Variants in PRSS16 observed in about 807,000 individuals in gnomAD.
PRSS16 encodes serine protease 16.
A neutral mutation model predicts 61.7 loss-of-function variants in PRSS16; 43 were observed. The observed-to-expected ratio is 0.70, with a 90% CI of 0.55 to 0.90. PRSS16 has a LOEUF of 0.90. Ranked by LOEUF, PRSS16 falls within the 40% of genes least tolerant of loss-of-function variation. The pLI, the probability that PRSS16 is intolerant of heterozygous loss-of-function variation, is 0.00. For synonymous variants in PRSS16, 273 were observed against 285.2 expected (o/e 0.96, Z 0.43); for missense variants, 591 against 659.1 (o/e 0.90, Z 1.13).
At position 27,252,936 on chromosome 6, in the gene PRSS16, C is replaced by T. The variant is rs1262954079; in HGVS notation, c.1137C>T (p.Thr379=). The change falls in exon 9 of 12, where the codon ACC becomes ACT. Residue 379 remains threonine (T), a synonymous_variant. Transcript: ENST00000230582. The surrounding 1 kb of genome is among the most constrained non-coding windows in gnomAD (Gnocchi z 4.2). ...GGCAGTGGTTGTATCAGACATGTAC[C>T]GAGTTCGGCTTCTGTAAGTGACTGG... ...GDRQWLYQTC[T]EFGFYVTCEN... 5.6e-6 allele frequency: 9 copies of T among 1,614,000 alleles called. No homozygotes were observed. The highest frequency in any genetic ancestry group is 4.4e-5 in the South Asian group (4 of 91,082).
intron 4 of PRSS16, among the ~76,000 whole-genome samples, chr6:27,250,318 G>C (rs1417291146): frequency 6.6e-6 from 1 of 152,160 alleles, no homozygotes. Context: ...CAACTCATCA[G>C]GTTAGGACCC....
Position 27,252,179 on chromosome 6 carries a change from G to C in PRSS16, c.1008+139G>C. 9.6e-7 allele frequency: 1 copy of C among 1,045,060 alleles called. No individual in the cohort carries two copies. The highest frequency in any genetic ancestry group is 1.3e-6 in the Non-Finnish European group (1 of 756,380). 64.7% of individuals were successfully genotyped at this position (1,045,060 alleles called of 1,614,324 possible). A position where few individuals can be genotyped will look rare whatever the true frequency, so the allele number is the denominator to read the frequency against. ...TGTAAAATGGGGATAACACTTCACAGGGCCGATGGGAAGATGAAATGAGGC... is the reference window on the plus strand; with the variant it reads ...TGTAAAATGGGGATAACACTTCACACGGCCGATGGGAAGATGAAATGAGGC... On this transcript the variant is annotated intron_variant, in intron 8 of 11. Coordinates refer to ENST00000230582, the MANE Select transcript of PRSS16 (RefSeq NM_005865.4). The surrounding 1 kb of genome is among the most constrained non-coding windows in gnomAD (Gnocchi z 4.2).
intron 9 of PRSS16, chr6:27,253,584 A>G: frequency 2.8e-6 from 1 of 363,232 alleles, no homozygotes; most frequent in Non-Finnish European, 5.5e-6. Context: ...TGCCCAGTTA[A>G]ATTTGAATTT....
At position 27,255,256 on chromosome 6, in the gene PRSS16, C is replaced by T; in HGVS notation, c.1486C>T (p.Gln496Ter). The T allele has an allele frequency of 6.2e-7, 1 of 1,614,072 alleles. No individual in the cohort carries two copies. The highest frequency in any genetic ancestry group is 8.5e-7 in the Non-Finnish European group (1 of 1,179,978). ...SLRLGRQNIF[Q>*]QLQTWLKLAK... ...TCCCACCTCCCCACAGAACATCTTC[C>T]AGCAGCTACAGACCTGGCTCAAGCT... Residue 496 changes from glutamine to a stop codon, truncating the protein, a stop_gained, in exon 12 of 12, where the codon CAG becomes TAG. Transcript: ENST00000230582. LOFTEE classifies it low-confidence loss of function (END_TRUNC). This position sits in a 1 kb window ranked among gnomAD's most constrained non-coding sequence, Gnocchi z 4.4.
Position 27,248,944 on chromosome 6 carries a change from G to C in PRSS16, c.335G>C (p.Arg112Thr). The C allele has an allele frequency of 1.2e-6, 2 of 1,605,144 alleles. No homozygotes were observed. The highest frequency in any genetic ancestry group is 1.7e-6 in the Non-Finnish European group (2 of 1,174,598). ...EGSLGPGSVM[R>T]GHPAALAPAW... The stretch of plus-strand genomic sequence containing the variant: ...AGCCTTGGGCCTGGCTCAGTGATGA[G>C]AGGTAAGAGGCAATGTTGGGGGAAA... Residue 112 changes from arginine to threonine, a missense_variant and splice_region_variant, in exon 3 of 12, where the codon AGA becomes ACA. By Grantham distance (71) the Arg-to-Thr change is moderately conservative. Transcript: ENST00000230582.
At chr6:27,247,860 T>G (rs758726037) in intron 1 of PRSS16, 22 bp from the exon 2 acceptor site, 1 of 1,612,550 alleles carries the variant, frequency 6.2e-7, no homozygotes, top group South Asian at 1.1e-5. Flanking sequence ...CAGCCTGACT[T>G]CCTTCCCTCC....
intron 9 of PRSS16, chr6:27,253,315 ACT>A (rs1759959150): frequency 3.0e-6 from 1 of 328,358 alleles, no homozygotes; most frequent in Non-Finnish European, 6.0e-6. Context: ...AGTCCTCCTC[ACT>A]CTGCATGGAC....
Position 27,251,688 on chromosome 6 carries a change from T to A in PRSS16, c.718-62T>A, listed in dbSNP as rs1186612154. ...GGGAACCCAAGGAGGACGCAGGTCC[T>A]GGGTAGGGAAAGCCGAGGCCCAGCC... is the stretch of plus-strand genomic sequence containing the variant. On this transcript the variant is annotated intron_variant, in intron 7 of 11. Transcript: ENST00000230582. The surrounding 1 kb of genome is among the most constrained non-coding windows in gnomAD (Gnocchi z 5.6). 2 of 1,536,844 alleles carry A rather than the reference T, an allele frequency of 1.3e-6. No individual in the cohort carries two copies. Among genetic ancestry groups the A allele is most frequent in the Admixed American group, 4.3e-5 (2 of 46,688 alleles).
chr6:27,247,807 G>C lies in PRSS16; in HGVS notation c.70G>C (p.Ala24Pro). ...TTCCCTCTGGGGACTCTTGGCTCCA[G>C]GTAAGAGGAGGCTGAGGGTCAAGCA... ...LVSLWGLLAP[A>P]SLLRRLGEHI... is the part of the protein sequence containing the mutation. The change falls in exon 1 of 12, where the codon GCC becomes CCC. Residue 24 changes from alanine to proline, a missense_variant and splice_region_variant. Coordinates refer to ENST00000230582, the MANE Select transcript of PRSS16 (RefSeq NM_005865.4). The C allele has an allele frequency of 6.2e-7, 1 of 1,612,808 alleles. No homozygotes were observed. The highest frequency in any genetic ancestry group is 1.3e-5 in the African/African-American group (1 of 75,002).
chr6:27,254,944 C>T lies in PRSS16; in HGVS notation c.1331-42C>T, dbSNP rs1759997621. ...AGCTCAACATAGCCTCATCCTCTCCCAGCACCCATCTACCTAGCCCCATCC... is the reference window on the plus strand; with the variant it reads ...AGCTCAACATAGCCTCATCCTCTCCTAGCACCCATCTACCTAGCCCCATCC... On this transcript the variant is annotated intron_variant, in intron 10 of 11. Coordinates refer to ENST00000230582, the MANE Select transcript of PRSS16 (RefSeq NM_005865.4). The T allele has an allele frequency of 3.7e-6, 6 of 1,612,264 alleles. No homozygotes were observed. In the African/African-American group the frequency reaches 6.7e-5, roughly 18 times the overall value.
At position 27,254,751 on chromosome 6, in the gene PRSS16, G is replaced by T; in HGVS notation, c.1209G>T (p.Gln403His). The T allele has an allele frequency of 6.2e-7, 1 of 1,614,102 alleles. No homozygotes were observed. The highest frequency in any genetic ancestry group is 8.5e-7 in the Non-Finnish European group (1 of 1,179,934). The change falls in exon 10 of 12, where the codon CAG becomes CAT. Residue 403 changes from glutamine (Q) to histidine (H), a missense_variant. Coordinates refer to ENST00000230582, the MANE Select transcript of PRSS16 (RefSeq NM_005865.4). ...PFSQLPALPS[Q>H]LDLCEQVFGL... Reference sequence around the variant, plus strand: ...CCCAGCTCCCAGCACTGCCCTCCCAGCTAGACCTATGTGAGCAGGTGTTTG... The same window carrying T: ...CCCAGCTCCCAGCACTGCCCTCCCATCTAGACCTATGTGAGCAGGTGTTTG...
In PRSS16 at chr6:27,252,991, C is replaced by T. The variant is rs1561774827; in HGVS notation, c.1150+42C>T. 6.2e-7 allele frequency: 1 copy of T among 1,613,526 alleles called. No homozygotes were observed. Among genetic ancestry groups the T allele is most frequent in the Admixed American group, 1.7e-5 (1 of 60,004 alleles). ...ACCCTAACTTTGTCCCCTCAAACAACCTTTTTACTATGCCCAGAGAAGTCA... is the reference window on the plus strand; with the variant it reads ...ACCCTAACTTTGTCCCCTCAAACAATCTTTTTACTATGCCCAGAGAAGTCA... On this transcript the variant is annotated intron_variant, in intron 9 of 11. Transcript: ENST00000230582. The surrounding 1 kb of genome is among the most constrained non-coding windows in gnomAD (Gnocchi z 4.2).
In PRSS16 at chr6:27,250,746, C is replaced by T. The variant is rs757371789; in HGVS notation, c.531C>T (p.Ser177=). Residue 177 remains serine (S), a synonymous_variant, in exon 5 of 12, where the codon AGC becomes AGT. Transcript: ENST00000230582. ...GCCTCTTTAACATCTCCTCCTCCAG[C>T]CCCTGGATCTGCTTCGGAGGCTCCT... is the stretch of plus-strand genomic sequence containing the variant. ...LSRLFNISSS[S]PWICFGGSYA... The T allele has an allele frequency of 1.3e-5, 21 of 1,613,862 alleles. No individual in the cohort carries two copies. The highest frequency in any genetic ancestry group is 1.7e-5 in the Non-Finnish European group (20 of 1,179,954).
intron 2 of PRSS16, 94 bp from the exon 3 acceptor site, chr6:27,248,753 G>A (rs1029746682): frequency 5.1e-6 from 4 of 791,358 alleles, no homozygotes; most frequent in African/African-American, 1.7e-5. Flanking sequence ...CATAAGGAAA[G>A]ATCCATTAGG....
chr6:27,250,902 C>T (rs1759871406), intron 5 of PRSS16, 96 bp downstream of exon 5: 3 of 1,553,318 alleles, frequency 1.9e-6, no homozygotes, highest in Non-Finnish European at 2.6e-6. Context: ...ACGCCCCTAC[C>T]TTCCTCCCGC....
chr6:27,252,754 C>T lies in PRSS16; in HGVS notation c.1009-54C>T, dbSNP rs1759942770. The T allele has an allele frequency of 6.2e-7, 1 of 1,607,232 alleles. No homozygotes were observed. ...GGGGACATAGGCCTCTGCACCCTGG[C>T]TTGCTGGGAAGAGAGGAGGAATTTA... On this transcript the variant is annotated intron_variant, in intron 8 of 11. Transcript: ENST00000230582. The surrounding 1 kb of genome is among the most constrained non-coding windows in gnomAD (Gnocchi z 4.2).
rs766134846 is a variant in PRSS16 at position 27,256,231 on chromosome 6, C to G, written c.*916C>G. On this transcript the variant is annotated 3_prime_UTR_variant, in exon 12 of 12. Coordinates refer to ENST00000230582, the MANE Select transcript of PRSS16 (RefSeq NM_005865.4). The stretch of plus-strand genomic sequence containing the variant: ...TCTTCCTTCCACACCCTTCACTCAC[C>G]ATCTTTTCCCACAATCAAATATCAC... 6.5e-6 allele frequency: 1 copy of G among 152,712 alleles called. No homozygotes were observed. The highest frequency in any genetic ancestry group is 1.5e-5 in the Non-Finnish European group (1 of 68,100). 9.5% of individuals were successfully genotyped at this position (152,712 alleles called of 1,614,324 possible).
At chr6:27,254,059 C>T (rs1427561742) in intron 9 of PRSS16, 1 of 152,624 alleles carries the variant, frequency 6.6e-6, no homozygotes, top group Non-Finnish European at 1.5e-5. Context: ...TTCGATAGCT[C>T]TGTGTTCTCC....
chr6:27,248,084 T>G, intron 2 of PRSS16, 36 bp downstream of exon 2: 1 of 1,592,974 alleles, frequency 6.3e-7, no homozygotes, highest in East Asian at 2.2e-5. Flanking sequence ...CTAACCATCC[T>G]GCCCTCTCCT....
Sources: allele counts gnomAD v4.1 joint callset (sites outside exome capture counted in the v4.1 genomes callset), GRCh38; gene constraint gnomAD v4.1.1; non-coding constraint Gnocchi (gnomAD v3.1); transcripts MANE v1.5; gene names NCBI Gene and HGNC (gene_info 2026-07-23, HGNC 2026-07-21).